Variants in UBTD1 observed in about 807,000 individuals in gnomAD.
UBTD1 encodes the protein ubiquitin domain containing 1, also known as ubiquitin domain-containing protein 1.
UBTD1 carries 19 observed loss-of-function variants against 21.7 expected under a neutral mutation model. That is an observed-to-expected ratio of 0.87 (90% CI 0.61 to 1.28). UBTD1 has a LOEUF of 1.28. Among genes scored for constraint, UBTD1 ranks in the 50% most tolerant of loss-of-function variants. The probability of loss-of-function intolerance (pLI) is 0.00; values close to 1 mark genes in which losing one functional copy is unlikely to be tolerated. For synonymous variants in UBTD1, 116 were observed against 135.1 expected (o/e 0.86, Z 0.98); for missense variants, 282 against 315.1 (o/e 0.89, Z 0.80).
At chr10:97,532,346 T>C (rs971007114) in intron 1 of UBTD1, among the ~76,000 whole-genome samples, 2 of 152,232 alleles carry the variant, frequency 1.3e-5, no homozygotes, top group Non-Finnish European at 2.9e-5. Context: ...GCTCTTTTTC[T>C]CCTCGAAAGC....
rs1286163015 is a variant in UBTD1, at chr10:97,509,072, A to T, written c.70+9799A>T. ...GCAGAATCAGGTGTCACTCTTCGTA[A>T]TTAATAAGATTAACAATCTCTTTCT... is the stretch of plus-strand genomic sequence containing the variant. On this transcript the variant is annotated intron_variant, in intron 1 of 2. Transcript: ENST00000370664. 2.0e-5 allele frequency among the ~76,000 whole-genome samples: 3 copies of T among 152,216 alleles called. No individual in the cohort carries two copies. The South Asian group carries it at 6.2e-4, about 31-fold the overall frequency.
Position 97,570,384 on chromosome 10 carries a change from A to C in UBTD1, c.545A>C (p.Glu182Ala), listed in dbSNP as rs1261553489. 1 of 1,613,380 alleles carries C rather than the reference A, an allele frequency of 6.2e-7. No individual in the cohort carries two copies. The highest frequency in any genetic ancestry group is 1.7e-5 in the Admixed American group (1 of 60,030). Residue 182 changes from glutamate (E) to alanine (A), a missense_variant, in exon 3 of 3, where the codon GAG becomes GCG. By Grantham distance (107) the Glu-to-Ala change is moderately radical. Transcript: ENST00000370664. This position sits in a 1 kb window ranked among gnomAD's most constrained non-coding sequence, Gnocchi z 6.6. ...GQLKRQLHAQ[E>A]GIEPSWQRWF... ...CTCAAGAGGCAGCTGCACGCCCAGG[A>C]GGGCATCGAGCCATCGTGGCAGCGG...
intron 1 of UBTD1, among the ~76,000 whole-genome samples, chr10:97,565,342 T>A (rs190244811): frequency 1.2e-4 from 18 of 152,350 alleles, no homozygotes; most frequent in African/African-American, 4.3e-4. Context: ...AGAATCAGTT[T>A]GCCAGGTTCC....
intron 1 of UBTD1, among the ~76,000 whole-genome samples, chr10:97,502,849 A>G (rs1202542168): frequency 1.2e-4 from 18 of 149,104 alleles, no homozygotes; most frequent in Middle Eastern, 3.5e-3. Context: ...GTGTGTATAC[A>G]TATATACGTA....
chr10:97,504,973 A>G (rs1020628957), intron 1 of UBTD1, among the ~76,000 whole-genome samples: 3 of 152,096 alleles, frequency 2.0e-5, no homozygotes, highest in African/African-American at 7.2e-5. Context: ...GAAGCTCACT[A>G]TTGGGGTCCT....
At position 97,570,396 on chromosome 10, in the gene UBTD1, C is replaced by G; in HGVS notation, c.557C>G (p.Pro186Arg). The G allele has an allele frequency of 6.2e-7, 1 of 1,613,472 alleles. No individual in the cohort carries two copies. The highest frequency in any genetic ancestry group is 8.5e-7 in the Non-Finnish European group (1 of 1,180,022). The change falls in exon 3 of 3, where the codon CCA becomes CGA. Residue 186 changes from proline to arginine, a missense_variant. Physicochemically the swap from Pro to Arg is moderately radical, Grantham distance 103 (BLOSUM62 -2). Coordinates refer to ENST00000370664, the MANE Select transcript of UBTD1 (RefSeq NM_024954.5). This position sits in a 1 kb window ranked among gnomAD's most constrained non-coding sequence, Gnocchi z 6.6. ...RQLHAQEGIE[P>R]SWQRWFFSGK... ...CTGCACGCCCAGGAGGGCATCGAGC[C>G]ATCGTGGCAGCGGTGGTTCTTCTCC...
intron 1 of UBTD1, among the ~76,000 whole-genome samples, chr10:97,528,255 A>G (rs1297744496): frequency 8.2e-6 from 1 of 122,532 alleles, no homozygotes; most frequent in Non-Finnish European, 1.8e-5. Context: ...GCGGCCGGGC[A>G]GAGGCGCCCC....
At chr10:97,515,644 C>T (rs2040440736) in intron 1 of UBTD1, among the ~76,000 whole-genome samples, 1 of 152,220 alleles carries the variant, frequency 6.6e-6, no homozygotes, top group Non-Finnish European at 1.5e-5. Context: ...CTTTGAGCTT[C>T]CTTCACTTCT....
chr10:97,545,619 G>A (rs1407753900), intron 1 of UBTD1, among the ~76,000 whole-genome samples: 1 of 152,144 alleles, frequency 6.6e-6, no homozygotes, highest in Non-Finnish European at 1.5e-5. Flanking sequence ...TAGATGTGTG[G>A]CTGGGAACAC....
At chr10:97,501,234 C>T (rs1287809922) in intron 1 of UBTD1, among the ~76,000 whole-genome samples, 2 of 152,250 alleles carry the variant, frequency 1.3e-5, no homozygotes, top group Non-Finnish European at 2.9e-5. Flanking sequence ...ACAGTTGTCC[C>T]CACAGAAGAC....
intron 1 of UBTD1, among the ~76,000 whole-genome samples, chr10:97,506,228 C>A (rs922877801): frequency 6.6e-6 from 1 of 152,240 alleles, no homozygotes; most frequent in Admixed American, 6.5e-5. Context: ...AGTAGCAACA[C>A]TGGCACTGCA....
At chr10:97,559,770 A>T (rs945001105) in intron 1 of UBTD1, among the ~76,000 whole-genome samples, 1 of 152,206 alleles carries the variant, frequency 6.6e-6, no homozygotes, top group Admixed American at 6.5e-5. Flanking sequence ...TTTAATGTCC[A>T]GTTCACCGAA....
chr10:97,499,321 C>A, intron 1 of UBTD1, 48 bp downstream of exon 1: 1 of 1,533,270 alleles, frequency 6.5e-7, no homozygotes, highest in Non-Finnish European at 8.8e-7. Context: ...GCCAGTTGTC[C>A]CCCTCCTCGC....
chr10:97,545,325 C>T (rs563085929), intron 1 of UBTD1, among the ~76,000 whole-genome samples: 5 of 139,216 alleles, frequency 3.6e-5, no homozygotes, highest in East Asian at 4.1e-4. Context: ...GGGCAACGAG[C>T]GAGACTCCGT....
chr10:97,547,276 C>G (rs2040615540), intron 1 of UBTD1, among the ~76,000 whole-genome samples: 1 of 152,184 alleles, frequency 6.6e-6, no homozygotes, highest in Non-Finnish European at 1.5e-5. Flanking sequence ...AGCACAGTGG[C>G]TGAGAAAACC....
intron 2 of UBTD1, among the ~76,000 whole-genome samples, chr10:97,568,819 A>G (rs1295915694): frequency 6.6e-6 from 1 of 151,960 alleles, no homozygotes; most frequent in African/African-American, 2.4e-5. Context: ...CTAGAATCAC[A>G]GACTTGAGTT....
chr10:97,523,313 A>G (rs993329085), intron 1 of UBTD1, among the ~76,000 whole-genome samples: 2 of 152,182 alleles, frequency 1.3e-5, no homozygotes, highest in Non-Finnish European at 2.9e-5. Flanking sequence ...TCTGGGAGCA[A>G]TAGAGGGAAA....
In UBTD1 at chr10:97,567,994, C is replaced by T. The variant is rs1411904385; in HGVS notation, c.151C>T (p.Arg51Trp). The change falls in exon 2 of 3, where the codon CGG (arginine) becomes TGG (tryptophan). Residue 51 changes from arginine (R) to tryptophan (W), a missense_variant. Arg to Trp is a moderately radical substitution (Grantham distance 101, BLOSUM62 -3). Transcript: ENST00000370664. ...PMTDGQLRSKRDEFWDTAPAF... is the reference protein window; with the variant it reads ...PMTDGQLRSKWDEFWDTAPAF... ...GACTGACGGGCAGCTGCGGAGCAAA[C>T]GGGATGAGTTCTGGGACACAGCGCC... The T allele has an allele frequency of 1.4e-5, 22 of 1,614,010 alleles. No individual in the cohort carries two copies. Among genetic ancestry groups the T allele is most frequent in the East Asian group, 6.7e-5 (3 of 44,890 alleles).
chr10:97,529,371 G>A (rs1388361051), intron 1 of UBTD1, among the ~76,000 whole-genome samples: 1 of 152,236 alleles, frequency 6.6e-6, no homozygotes, highest in Non-Finnish European at 1.5e-5. Context: ...TAGCGGCTGG[G>A]CAGAGGCTGC....
Sources: allele counts gnomAD v4.1 joint callset (sites outside exome capture counted in the v4.1 genomes callset), GRCh38; gene constraint gnomAD v4.1.1; non-coding constraint Gnocchi (gnomAD v3.1); transcripts MANE v1.5; gene names NCBI Gene and HGNC (gene_info 2026-07-23, HGNC 2026-07-21).